The following SLCO3A1 variants were observed in gnomAD, a reference collection of about 807,000 sequenced individuals.
SLCO3A1 encodes the protein PGE1 transporter.
Under a neutral mutation model 63.1 loss-of-function variants are expected in SLCO3A1, and 27 were observed. That is an observed-to-expected ratio of 0.43 (90% CI 0.32 to 0.59). The LOEUF (loss-of-function observed/expected upper bound fraction) is 0.59, where lower values mean the gene tolerates loss of function less well. Among genes scored for constraint, SLCO3A1 ranks in the 20% least tolerant of loss-of-function variants. The pLI is 0.09. For synonymous variants in SLCO3A1, 473 were observed against 409.9 expected (o/e 1.15, Z -1.86); for missense variants, 773 against 945.8 (o/e 0.82, Z 2.40).
At chr15:91,946,447 C>T (rs1451788103) in intron 2 of SLCO3A1, among the ~76,000 whole-genome samples, 1 of 152,194 alleles carries the variant, frequency 6.6e-6, no homozygotes, top group African/African-American at 2.4e-5. Context: ...ACAGAAACAT[C>T]CTTCAGAGTT....
At chr15:92,106,668 A>C (rs1716886664) in intron 4 of SLCO3A1, among the ~76,000 whole-genome samples, 1 of 152,212 alleles carries the variant, frequency 6.6e-6, no homozygotes, top group African/African-American at 2.4e-5. Context: ...GATTAAAAAG[A>C]TACAATGGTG....
At position 92,104,406 on chromosome 15, in the gene SLCO3A1, G is replaced by A. The variant is rs371404947; in HGVS notation, c.873G>A (p.Pro291=). The A allele has an allele frequency of 1.1e-5, 17 of 1,613,970 alleles. No individual in the cohort carries two copies. The highest frequency in any genetic ancestry group is 6.6e-5 in the South Asian group (6 of 91,084). Residue 291 remains proline (P), a synonymous_variant, in exon 4 of 10, where the codon CCG becomes CCA. Coordinates refer to ENST00000318445, the MANE Select transcript of SLCO3A1 (RefSeq NM_013272.4). ...TTGGGTTTCCACAGTCCCTGCCCCC[G>A]CACTCAGAGCCCGCCATGGAAAGCG... ...LMFGFPQSLP[P]HSEPAMESEQ...
intron 2 of SLCO3A1, among the ~76,000 whole-genome samples, chr15:92,005,021 A>C (rs1490938117): frequency 1.3e-5 from 2 of 152,224 alleles, no homozygotes; most frequent in South Asian, 2.1e-4. Context: ...CAGTGGCTTT[A>C]TTTGCCACAA....
intron 5 of SLCO3A1, among the ~76,000 whole-genome samples, chr15:92,121,883 A>T (rs565471731): frequency 1.3e-5 from 2 of 152,200 alleles, no homozygotes; most frequent in Non-Finnish European, 2.9e-5. Flanking sequence ...GTTGGCTTTA[A>T]TGATGAGGAC....
intron 9 of SLCO3A1, among the ~76,000 whole-genome samples, chr15:92,159,421 G>A (rs1337316599): frequency 6.6e-6 from 1 of 151,780 alleles, no homozygotes; most frequent in African/African-American, 2.4e-5. Flanking sequence ...GGAGGCGGAG[G>A]TTGTAGTGAG....
At chr15:91,953,513 T>C (rs1900066908) in intron 2 of SLCO3A1, among the ~76,000 whole-genome samples, 1 of 152,056 alleles carries the variant, frequency 6.6e-6, no homozygotes, top group African/African-American at 2.4e-5. Flanking sequence ...GAGTAGGTGT[T>C]TGTCAGGCAG....
chr15:92,166,090 C>T (rs553300258), downstream of SLCO3A1, among the ~76,000 whole-genome samples: 1 of 152,160 alleles, frequency 6.6e-6, no homozygotes, highest in African/African-American at 2.4e-5. Flanking sequence ...CAATATCATT[C>T]CCTCCTATGA....
At position 91,941,348 on chromosome 15, in the gene SLCO3A1, G is replaced by A; in HGVS notation, c.646+24890G>A. 2.8e-6 allele frequency: 1 copy of A among 363,114 alleles called. No homozygotes were observed. The highest frequency in any genetic ancestry group is 5.4e-6 in the Non-Finnish European group (1 of 185,236). The allele number at this position is 363,114 out of a possible 1,614,324, so 22.5% of individuals were successfully genotyped here. On this transcript the variant is annotated intron_variant, in intron 2 of 9. Transcript: ENST00000318445. This position sits in a 1 kb window ranked among gnomAD's most constrained non-coding sequence, Gnocchi z 4.4. ...AGTGCATGAGTGACCAGCTAGGACT[G>A]AGCCCAAAGACCTGAGATTCCCTGG... is the stretch of plus-strand genomic sequence containing the variant.
chr15:92,140,795 T>A (rs551153877), intron 7 of SLCO3A1, among the ~76,000 whole-genome samples: 1 of 152,220 alleles, frequency 6.6e-6, no homozygotes, highest in African/African-American at 2.4e-5. Context: ...GAGACTAAGA[T>A]TGCAACCTCT....
In SLCO3A1 at chr15:92,163,225, C is replaced by G. The variant is rs1027175675; in HGVS notation, c.*90C>G. ...AAAAAGGTTCCAAAAAAAACCAAAA[C>G]TCAGTACACACACACAGGCACAGAT... On this transcript the variant is annotated 3_prime_UTR_variant, in exon 10 of 10. Coordinates refer to ENST00000318445, the MANE Select transcript of SLCO3A1 (RefSeq NM_013272.4). 26 of 1,449,422 alleles carry G rather than the reference C, an allele frequency of 1.8e-5. No homozygotes were observed. The highest frequency in any genetic ancestry group is 2.9e-5 in the African/African-American group (2 of 69,548). 89.8% of individuals were successfully genotyped at this position (1,449,422 alleles called of 1,614,324 possible).
intron 2 of SLCO3A1, among the ~76,000 whole-genome samples, chr15:91,999,325 T>C (rs12102277): frequency 0.018 from 2,684 of 152,050 alleles, 77 homozygotes; most frequent in African/African-American, 0.06. Flanking sequence ...AAAAGACACA[T>C]ATGGACAGAA....
Position 92,162,745 on chromosome 15 carries a change from C to A in SLCO3A1, c.1754-11C>A. 1 of 1,602,382 alleles carries A rather than the reference C, an allele frequency of 6.2e-7. No individual in the cohort carries two copies. On this transcript the variant is annotated splice_polypyrimidine_tract_variant and intron_variant, in intron 9 of 9. Coordinates refer to ENST00000318445, the MANE Select transcript of SLCO3A1 (RefSeq NM_013272.4). ...AGATCCAGAACCTTAACATTCTTTT[C>A]CCGGTAACAGGCTTCATCCCTCCAC...
intron 2 of SLCO3A1, among the ~76,000 whole-genome samples, chr15:91,983,039 G>C (rs982085348): frequency 1.3e-5 from 2 of 152,364 alleles, no homozygotes; most frequent in African/African-American, 4.8e-5. Context: ...CAAAGTGGAT[G>C]ATCCTCTCCA....
chr15:91,951,420 T>C (rs1477757751), intron 2 of SLCO3A1, among the ~76,000 whole-genome samples: 1 of 152,256 alleles, frequency 6.6e-6, no homozygotes. Context: ...TAATAATAAT[T>C]CATTGTATGG....
chr15:91,889,002 T>C, intron 1 of SLCO3A1: 1 of 398,480 alleles, frequency 2.5e-6, no homozygotes, highest in Non-Finnish European at 4.1e-6. Flanking sequence ...AGAGTGAGAC[T>C]GTCTCTAAAA....
At position 92,067,446 on chromosome 15, in the gene SLCO3A1, A is replaced by G. The variant is rs576077456; in HGVS notation, c.647-27435A>G. On this transcript the variant is annotated intron_variant, in intron 2 of 9. Coordinates refer to ENST00000318445, the MANE Select transcript of SLCO3A1 (RefSeq NM_013272.4). ...CAGCATAGGAAAGTTGACTACGGGA[A>G]TGACATTAAGAGACTGAACTGGAAT... Among the ~76,000 whole-genome samples the G allele has an allele frequency of 2.6e-5, 4 of 152,346 alleles. No individual in the cohort carries two copies. In the East Asian group the frequency reaches 5.8e-4, roughly 22 times the overall value.
Position 91,863,590 on chromosome 15 carries a change from C to CGGG in SLCO3A1, c.180+9502_180+9503insGGG, listed in dbSNP as rs1352461413. Among the ~76,000 whole-genome samples, 1 of 152,224 alleles carries CGGG rather than the reference C, an allele frequency of 6.6e-6. No individual in the cohort carries two copies. Among genetic ancestry groups the CGGG allele is most frequent in the Non-Finnish European group, 1.5e-5 (1 of 68,040 alleles). ...ACACCATCCTCTTCTTGAAGCTATA[C>CGGG]ATGCGTGGGGTGCACAGCACACCAC... On this transcript the variant is annotated intron_variant, in intron 1 of 9. Coordinates refer to ENST00000318445, the MANE Select transcript of SLCO3A1 (RefSeq NM_013272.4). This position sits in a 1 kb window ranked among gnomAD's most constrained non-coding sequence, Gnocchi z 4.3.
rs115095729 is a variant in SLCO3A1 at position 92,088,625 on chromosome 15, G to A, written c.647-6256G>A. 7.3e-3 allele frequency among the ~76,000 whole-genome samples: 1,107 copies of A among 152,220 alleles called. 13 individuals are homozygous for A. The highest frequency in any genetic ancestry group is 0.025 in the African/African-American group (1,051 of 41,536). On this transcript the variant is annotated intron_variant, in intron 2 of 9. Transcript: ENST00000318445. Reference sequence around the variant, plus strand: ...GGTGCTGGCAGGGCTGTGATCCTGCGTGGAGGAGAAAATCTGTTTTGTTGC... The same window carrying A: ...GGTGCTGGCAGGGCTGTGATCCTGCATGGAGGAGAAAATCTGTTTTGTTGC...
intron 1 of SLCO3A1, among the ~76,000 whole-genome samples, chr15:91,888,020 C>T (rs1402552986): frequency 6.6e-6 from 1 of 152,184 alleles, no homozygotes; most frequent in Admixed American, 6.5e-5. Context: ...TGATGTGCTG[C>T]TTTGTTCTGT....
Sources: gnomAD v4.1 joint callset for allele counts (sites outside exome capture counted in the v4.1 genomes callset) on GRCh38, gnomAD v4.1.1 for gene constraint, Gnocchi (gnomAD v3.1) non-coding constraint, MANE v1.5 for transcripts, NCBI Gene and HGNC (gene_info 2026-07-23, HGNC 2026-07-21) for gene names.